Variants in ARID4B observed in about 807,000 individuals in gnomAD.
ARID4B encodes the protein AT-rich interaction domain 4B, also known as AT-rich interactive domain-containing protein 4B.
In ARID4B, 26 loss-of-function variants were observed where a neutral mutation model predicts 147.5. The observed-to-expected ratio is 0.18, with a 90% confidence interval of 0.13 to 0.24. ARID4B has a LOEUF of 0.24. Ranked by LOEUF, ARID4B falls within the 10% of genes least tolerant of loss-of-function variation. The pLI is 1.00. For synonymous variants in ARID4B, 512 were observed against 507.9 expected (o/e 1.01, Z -0.11); for missense variants, 1,179 against 1,511.5 (o/e 0.78, Z 3.65).
chr1:235,286,482 G>T (rs550050703), intron 2 of ARID4B, among the ~76,000 whole-genome samples: 11 of 152,276 alleles, frequency 7.2e-5, no homozygotes, highest in African/African-American at 2.6e-4. Context: ...AACTACTATG[G>T]TCAGATTCTG....
chr1:235,284,969 T>C (rs984445792), intron 2 of ARID4B, among the ~76,000 whole-genome samples: 4 of 152,092 alleles, frequency 2.6e-5, no homozygotes, highest in Non-Finnish European at 4.4e-5. Context: ...AGTGGTGCCA[T>C]CTTGGCTCAC....
chr1:235,324,850 C>T (rs1213287024), intron 2 of ARID4B, among the ~76,000 whole-genome samples: 9 of 151,978 alleles, frequency 5.9e-5, no homozygotes, highest in Non-Finnish European at 1.2e-4. Flanking sequence ...TTATTTGAGC[C>T]CAGGAGGCAG....
intron 19 of ARID4B, among the ~76,000 whole-genome samples, chr1:235,192,559 A>C (rs943825865): frequency 6.6e-6 from 1 of 152,240 alleles, no homozygotes; most frequent in African/African-American, 2.4e-5. Context: ...TAAAATAATG[A>C]GTTAATATAA....
At chr1:235,192,259 T>C (rs1299725209) in intron 19 of ARID4B, among the ~76,000 whole-genome samples, 1 of 151,674 alleles carries the variant, frequency 6.6e-6, no homozygotes, top group Non-Finnish European at 1.5e-5. Flanking sequence ...GGAATATAAA[T>C]ATAGATAATT....
At position 235,310,579 on chromosome 1, in the gene ARID4B, C is replaced by T. The variant is rs1159858056; in HGVS notation, c.6+16335G>A. ...AAACGTAATGTGCCATATAACTGTA[C>T]GGTTAAAGAATTCCTTATAAACTAT... On this transcript the variant is annotated intron_variant, in intron 2 of 23. Transcript: ENST00000264183. Among the ~76,000 whole-genome samples the T allele has an allele frequency of 5.3e-5, 8 of 152,138 alleles. 1 individual carries two copies. The highest frequency in any genetic ancestry group is 5.2e-4 in the Admixed American group (8 of 15,272).
intron 2 of ARID4B, among the ~76,000 whole-genome samples, chr1:235,303,641 A>T (rs1673343559): frequency 1.3e-5 from 2 of 152,182 alleles, no homozygotes; most frequent in Admixed American, 6.5e-5. Flanking sequence ...AAGTGGGAGG[A>T]TCACTTGAGC....
At chr1:235,287,081 G>C (rs1393144277) in intron 2 of ARID4B, among the ~76,000 whole-genome samples, 2 of 152,166 alleles carry the variant, frequency 1.3e-5, no homozygotes, top group Non-Finnish European at 2.9e-5. Flanking sequence ...CTAACACGGT[G>C]AAACCCTGTC....
intron 2 of ARID4B, among the ~76,000 whole-genome samples, chr1:235,278,232 A>G (rs1191468179): frequency 6.6e-6 from 1 of 152,204 alleles, no homozygotes; most frequent in Non-Finnish European, 1.5e-5. Flanking sequence ...AACTATACCA[A>G]TCAAATAAGT....
At chr1:235,247,698 T>C (rs1157478448) in intron 6 of ARID4B, among the ~76,000 whole-genome samples, 1 of 152,050 alleles carries the variant, frequency 6.6e-6, no homozygotes, top group African/African-American at 2.4e-5. Context: ...ATTTAAAAAA[T>C]ATTATTTGGG....
chr1:235,298,752 A>G (rs924212038), intron 2 of ARID4B, among the ~76,000 whole-genome samples: 6 of 152,130 alleles, frequency 3.9e-5, no homozygotes, highest in African/African-American at 7.2e-5. Flanking sequence ...TTAGAACTCC[A>G]TATCTCTTTC....
chr1:235,250,133 TA>T (rs1669555572), intron 6 of ARID4B, among the ~76,000 whole-genome samples: 1 of 151,538 alleles, frequency 6.6e-6, no homozygotes, highest in Admixed American at 6.6e-5. Context: ...AATAATAAAA[TA>T]AAATAAAAAG....
rs148444180 is a variant in ARID4B at position 235,246,453 on chromosome 1, T to C, written c.413A>G (p.Lys138Arg). The change falls in exon 7 of 24, where the codon AAG (lysine) becomes AGG (arginine). Residue 138 changes from lysine (K) to arginine (R), a missense_variant. Physicochemically the swap from Lys to Arg is conservative, Grantham distance 26. Around this residue, in one of 10 missense-constraint regions of ARID4B, gnomAD observed 19 missense variants for 46.7 expected, o/e 0.41. Transcript: ENST00000264183. ...PEHFGTPVIG[K>R]KTNRGRRSNH... Reference sequence around the variant, plus strand: ...AGATCTTCTTCCTCTATTTGTTTTCTTTCCTATGACTGGAGTGCCAAAATG... The same window carrying C: ...AGATCTTCTTCCTCTATTTGTTTTCCTTCCTATGACTGGAGTGCCAAAATG... 73 of 1,613,474 alleles carry C rather than the reference T, an allele frequency of 4.5e-5. No homozygotes were observed. Among genetic ancestry groups the C allele is most frequent in the Non-Finnish European group, 5.9e-5 (70 of 1,179,520 alleles).
At chr1:235,236,862 A>ATATATTTTTT (rs1426582533) in intron 8 of ARID4B, among the ~76,000 whole-genome samples, 1 of 17,490 alleles carries the variant, frequency 5.7e-5, no homozygotes, top group African/African-American at 2.2e-4. Flanking sequence ...ATATATATAT[A>ATATATTTTTT]TTTTTTTTTT....
intron 2 of ARID4B, among the ~76,000 whole-genome samples, chr1:235,285,316 C>T (rs141465801): frequency 1.9e-3 from 295 of 152,236 alleles, no homozygotes; most frequent in Non-Finnish European, 3.4e-3. Flanking sequence ...TTCTAAAATT[C>T]AGAAGTCAAT....
At chr1:235,316,167 G>T (rs1341774528) in intron 2 of ARID4B, among the ~76,000 whole-genome samples, 1 of 152,038 alleles carries the variant, frequency 6.6e-6, no homozygotes, top group Non-Finnish European at 1.5e-5. Context: ...TTCTTCTTAG[G>T]AATTCAACGA....
intron 2 of ARID4B, among the ~76,000 whole-genome samples, chr1:235,309,156 G>T (rs1673820546): frequency 6.7e-6 from 1 of 150,090 alleles, no homozygotes. Flanking sequence ...GAGCGCCTCT[G>T]CCCGGCCGTG....
chr1:235,251,321 A>G (rs1669633414), intron 6 of ARID4B, among the ~76,000 whole-genome samples: 1 of 152,288 alleles, frequency 6.6e-6, no homozygotes, highest in South Asian at 2.1e-4. Flanking sequence ...AAGCATTTAT[A>G]ATGGCCTTCA....
chr1:235,258,121 C>G (rs1405954886), intron 3 of ARID4B, among the ~76,000 whole-genome samples: 1 of 152,124 alleles, frequency 6.6e-6, no homozygotes, highest in African/African-American at 2.4e-5. Context: ...CACCTGAGAT[C>G]AGGAGATGGG....
At chr1:235,209,255 G>A (rs1480542224) in intron 17 of ARID4B, among the ~76,000 whole-genome samples, 1 of 152,164 alleles carries the variant, frequency 6.6e-6, no homozygotes, top group Non-Finnish European at 1.5e-5. Context: ...TGGATCACCT[G>A]AGGTCAGGCG....
Sources: gnomAD v4.1 joint callset for allele counts (sites outside exome capture counted in the v4.1 genomes callset) on GRCh38, gnomAD v4.1.1 for gene constraint, gnomAD v4.1.1 regional missense constraint, MANE v1.5 for transcripts, NCBI Gene and HGNC (gene_info 2026-07-23, HGNC 2026-07-21) for gene names.